Variants in HHAT observed in about 807,000 individuals in gnomAD.
The protein encoded by HHAT is protein-cysteine N-palmitoyltransferase HHAT.
In HHAT, 47 loss-of-function variants were observed where a neutral mutation model predicts 70.8. That is an observed-to-expected ratio of 0.66 (90% CI 0.53 to 0.85). The LOEUF (loss-of-function observed/expected upper bound fraction) is 0.85. Ranked by LOEUF, HHAT falls within the 40% of genes least tolerant of loss-of-function variation. The pLI is 0.00. For missense variants in HHAT, 609 were observed against 604.8 expected (o/e 1.01, Z -0.07); for synonymous variants, 228 against 247.6 (o/e 0.92, Z 0.74).
intron 10 of HHAT, among the ~76,000 whole-genome samples, chr1:210,608,984 A>G (rs1241705486): frequency 1.3e-5 from 2 of 152,158 alleles, no homozygotes; most frequent in African/African-American, 2.4e-5. Context: ...AAGGGGGAAG[A>G]GCCCCTTATA....
intron 8 of HHAT, among the ~76,000 whole-genome samples, chr1:210,483,455 C>T (rs2094429003): frequency 6.6e-6 from 1 of 152,116 alleles, no homozygotes; most frequent in Admixed American, 6.5e-5. Context: ...ATTGCCTCAT[C>T]TTTGAAGTGG....
At chr1:210,552,539 G>A (rs79029300) in intron 9 of HHAT, among the ~76,000 whole-genome samples, 1 of 152,326 alleles carries the variant, frequency 6.6e-6, no homozygotes, top group African/African-American at 2.4e-5. Context: ...GGGGAAAATT[G>A]GACTGCTGGG....
intron 7 of HHAT, among the ~76,000 whole-genome samples, chr1:210,426,281 C>G (rs2093058355): frequency 1.3e-5 from 2 of 151,864 alleles, no homozygotes; most frequent in Non-Finnish European, 2.9e-5. Flanking sequence ...GATAATGTTA[C>G]CTATAAACGG....
chr1:210,655,501 T>C (rs906388780), intron 11 of HHAT, among the ~76,000 whole-genome samples: 3 of 152,146 alleles, frequency 2.0e-5, no homozygotes, highest in African/African-American at 7.2e-5. Context: ...AGGGCTGCTG[T>C]GAGAGGAACT....
intron 10 of HHAT, among the ~76,000 whole-genome samples, chr1:210,601,816 C>T (rs1035630848): frequency 6.6e-6 from 1 of 151,992 alleles, no homozygotes; most frequent in Non-Finnish European, 1.5e-5. Context: ...CCTTTATAAA[C>T]ATAATAAAAT....
At chr1:210,485,082 G>A (rs964298525) in intron 8 of HHAT, among the ~76,000 whole-genome samples, 17 of 152,230 alleles carry the variant, frequency 1.1e-4, no homozygotes, top group African/African-American at 3.9e-4. Context: ...GTCTTGCCTC[G>A]TGTTGAGCGG....
At chr1:210,541,092 C>G (rs12136151) in intron 9 of HHAT, among the ~76,000 whole-genome samples, 1 of 152,042 alleles carries the variant, frequency 6.6e-6, no homozygotes, top group South Asian at 2.1e-4. Context: ...ACGCCTGCCT[C>G]GGCCTCTCAA....
At chr1:210,440,036 G>A (rs373267505) in intron 7 of HHAT, among the ~76,000 whole-genome samples, 1 of 151,768 alleles carries the variant, frequency 6.6e-6, no homozygotes. Flanking sequence ...GATAAGAGAT[G>A]GTTTTTAGCA....
intron 9 of HHAT, among the ~76,000 whole-genome samples, chr1:210,545,976 A>C (rs2095479919): frequency 6.6e-6 from 1 of 152,134 alleles, no homozygotes; most frequent in Non-Finnish European, 1.5e-5. Flanking sequence ...GGTTCCTTTA[A>C]CTATTTGTTG....
At chr1:210,477,594 C>T (rs1008988164) in intron 8 of HHAT, among the ~76,000 whole-genome samples, 1 of 152,184 alleles carries the variant, frequency 6.6e-6, no homozygotes, top group African/African-American at 2.4e-5. Flanking sequence ...AGGGGCATGG[C>T]CTTACTGTTG....
At chr1:210,379,759 A>G (rs2090490736) in intron 3 of HHAT, among the ~76,000 whole-genome samples, 1 of 152,262 alleles carries the variant, frequency 6.6e-6, no homozygotes, top group Non-Finnish European at 1.5e-5. Context: ...AAACAAGGAC[A>G]TAATACTTCA....
At chr1:210,478,822 C>A (rs972201383) in intron 8 of HHAT, among the ~76,000 whole-genome samples, 2 of 152,168 alleles carry the variant, frequency 1.3e-5, no homozygotes, top group African/African-American at 2.4e-5. Context: ...TAGATGGATA[C>A]TCTGGAACTG....
intron 3 of HHAT, among the ~76,000 whole-genome samples, chr1:210,376,014 ATTTTTTTTTTTTT>A (rs57707354): frequency 1.8e-5 from 2 of 108,910 alleles, no homozygotes; most frequent in East Asian, 5.2e-4. Context: ...TGCACAGCTA[ATTTTTTTTTTTTT>A]TTTTTTTTTG....
chr1:210,487,335 A>G (rs369545994), intron 8 of HHAT, among the ~76,000 whole-genome samples: 2 of 152,218 alleles, frequency 1.3e-5, no homozygotes, highest in African/African-American at 4.8e-5. Flanking sequence ...TTTTTTAGCT[A>G]TGGAAGAGCA....
At chr1:210,399,744 A>G (rs1311776482) in intron 4 of HHAT, among the ~76,000 whole-genome samples, 2 of 152,190 alleles carry the variant, frequency 1.3e-5, no homozygotes, top group African/African-American at 4.8e-5. Flanking sequence ...CATAAAGCAA[A>G]GACATGTTAA....
intron 11 of HHAT, among the ~76,000 whole-genome samples, chr1:210,642,942 C>G (rs989349288): frequency 1.3e-5 from 2 of 152,158 alleles, no homozygotes; most frequent in Admixed American, 6.5e-5. Flanking sequence ...AGATATTGCT[C>G]TATGTTATCT....
At position 210,435,654 on chromosome 1, in the gene HHAT, C is replaced by T. The variant is rs544167260; in HGVS notation, c.856+17329C>T. ...CATCTGTTATTTTTTTGATAAAAGC[C>T]ATCCTAACTGGGGTGAGACGATATC... On this transcript the variant is annotated intron_variant, in intron 7 of 11. Coordinates refer to ENST00000261458, the MANE Select transcript of HHAT (RefSeq NM_018194.6). Among the ~76,000 whole-genome samples the T allele has an allele frequency of 9.0e-4, 136 of 151,914 alleles. 5 individuals are homozygous for T. Among genetic ancestry groups the T allele is most frequent in the African/African-American group, 3.2e-3 (132 of 41,222 alleles).
chr1:210,669,321 C>A (rs1245619601), intron 11 of HHAT, among the ~76,000 whole-genome samples: 1 of 152,196 alleles, frequency 6.6e-6, no homozygotes, highest in Admixed American at 6.5e-5. Context: ...TTGGTTATTA[C>A]AATTTAATGC....
intron 9 of HHAT, among the ~76,000 whole-genome samples, chr1:210,570,418 T>G (rs1236106567): frequency 6.6e-6 from 1 of 152,104 alleles, no homozygotes. Flanking sequence ...TTAAGAGTGG[T>G]GTTGGGCATG....
Sources: gnomAD v4.1 joint callset for allele counts (sites outside exome capture counted in the v4.1 genomes callset) on GRCh38, gnomAD v4.1.1 for gene constraint, MANE v1.5 for transcripts, NCBI Gene and HGNC (gene_info 2026-07-23, HGNC 2026-07-21) for gene names.